The following NDP variants were observed in gnomAD, a reference collection of about 807,000 sequenced individuals.
The protein encoded by NDP is norrin cystine knot growth factor NDP.
In NDP, 2 loss-of-function variants were observed where a neutral mutation model predicts 8.4. The observed-to-expected ratio is 0.24, with a 90% CI of 0.10 to 0.75. The LOEUF is 0.75. Among genes scored for constraint, NDP ranks in the 30% least tolerant of loss-of-function variants. The pLI is 0.73. For synonymous variants in NDP, 55 were observed against 45.6 expected (o/e 1.21, Z -0.83); for missense variants, 81 against 110.1 (o/e 0.74, Z 1.18).
At position 43,955,524 on chromosome X, in the gene NDP, G is replaced by C. The variant is rs1222572051; in HGVS notation, c.174+2948C>G. ...CTCAGTTCTCATAGAGATTCCACCA[G>C]GCAGTCTGTTTCCACTATCAACTGG... On this transcript the variant is annotated intron_variant, in intron 2 of 2. Transcript: ENST00000642620. 4.4e-5 allele frequency among the ~76,000 whole-genome samples: 5 copies of C among 112,610 alleles called. No homozygotes were observed. The South Asian group carries it at 1.8e-3, about 41-fold the overall frequency.
intron 2 of NDP, among the ~76,000 whole-genome samples, chrX:43,953,662 A>G (rs979310872): frequency 4.4e-5 from 5 of 113,354 alleles, no homozygotes; most frequent in African/African-American, 6.4e-5. Flanking sequence ...TATGATCTAC[A>G]CTATTAGGAC....
chrX:43,960,146 A>G (rs1307818493), intron 1 of NDP, among the ~76,000 whole-genome samples: 2 of 111,685 alleles, frequency 1.8e-5, no homozygotes, highest in Non-Finnish European at 3.8e-5. Flanking sequence ...GCAAAGCCTC[A>G]GCACATGTGC....
intron 1 of NDP, among the ~76,000 whole-genome samples, chrX:43,962,270 T>C (rs1331410651): frequency 1.1e-5 from 1 of 91,830 alleles, no homozygotes; most frequent in East Asian, 3.2e-4. Flanking sequence ...TAACCTGGGA[T>C]TTTTTTTTTT....
chrX:43,964,885 G>A (rs2035848458), intron 1 of NDP, among the ~76,000 whole-genome samples: 1 of 111,535 alleles, frequency 9.0e-6, no homozygotes, highest in Non-Finnish European at 1.9e-5. Context: ...CCCTGCCTTG[G>A]GGCTACATAT....
At chrX:43,954,977 G>C (rs746690648) in intron 2 of NDP, among the ~76,000 whole-genome samples, 1 of 110,938 alleles carries the variant, frequency 9.0e-6, no homozygotes, top group African/African-American at 3.3e-5. Context: ...CCTGGCCCAA[G>C]TCCAAAACTC....
intron 2 of NDP, among the ~76,000 whole-genome samples, chrX:43,957,502 T>C (rs917092488): frequency 1.8e-5 from 2 of 110,926 alleles, no homozygotes; most frequent in African/African-American, 6.6e-5. Flanking sequence ...CACTGAGCTA[T>C]AATCAGAGAA....
chrX:43,950,026 T>G lies in NDP; in HGVS notation c.175A>C (p.Met59Leu), dbSNP rs139134641. 5 of 1,192,569 alleles carry G rather than the reference T, an allele frequency of 4.2e-6. No homozygotes were observed. The highest frequency in any genetic ancestry group is 5.6e-6 in the Non-Finnish European group (5 of 885,271). ...SHPLYKCSSK[M>L]VLLARCEGHC... The stretch of plus-strand genomic sequence containing the variant: ...CCCTCGCACCTGGCCAGGAGCACCA[T>G]CTGGGGAAAGAAAAGGAGGTGGTTA... Residue 59 changes from methionine (M) to leucine (L), a missense_variant and splice_region_variant, in exon 3 of 3, where the codon ATG becomes CTG. Physicochemically the swap from Met to Leu is conservative, Grantham distance 15 (BLOSUM62 2). Transcript: ENST00000642620.
intron 1 of NDP, among the ~76,000 whole-genome samples, chrX:43,968,351 A>G (rs2035870423): frequency 8.9e-6 from 1 of 112,505 alleles, no homozygotes; most frequent in Non-Finnish European, 1.9e-5. Flanking sequence ...TGCAGATGCA[A>G]GGGAAGCTGG....
chrX:43,966,861 T>C (rs1399049369), intron 1 of NDP, among the ~76,000 whole-genome samples: 1 of 111,652 alleles, frequency 9.0e-6, no homozygotes, highest in Non-Finnish European at 1.9e-5. Context: ...TGGGTAGTGA[T>C]CTCACCTAAC....
At chrX:43,967,865 T>C (rs750833330) in intron 1 of NDP, among the ~76,000 whole-genome samples, 85 of 111,068 alleles carry the variant, frequency 7.7e-4, no homozygotes, top group Non-Finnish European at 1.3e-3. Context: ...GGTTGGATCA[T>C]GGCTTAAAAG....
chrX:43,963,460 T>A (rs969171332), intron 1 of NDP, among the ~76,000 whole-genome samples: 2 of 111,802 alleles, frequency 1.8e-5, no homozygotes, highest in South Asian at 3.7e-4. Flanking sequence ...TGGAATGGAG[T>A]CAGTATATCA....
At chrX:43,952,628 C>T (rs980937911) in intron 2 of NDP, among the ~76,000 whole-genome samples, 13 of 111,602 alleles carry the variant, frequency 1.2e-4, no homozygotes, top group African/African-American at 4.2e-4. Flanking sequence ...ATTGCAATCT[C>T]ACTAAAAGTT....
intron 2 of NDP, among the ~76,000 whole-genome samples, chrX:43,950,779 A>G (rs1401254456): frequency 8.9e-6 from 1 of 112,183 alleles, no homozygotes; most frequent in African/African-American, 3.2e-5. Context: ...AACGGAGGCT[A>G]TGTGTTCTTT....
intron 2 of NDP, among the ~76,000 whole-genome samples, chrX:43,958,114 C>A (rs933180648): frequency 1.8e-5 from 2 of 111,177 alleles, no homozygotes; most frequent in Admixed American, 1.9e-4. Context: ...ACTGCTCAAT[C>A]GCATTCTTTG....
Position 43,949,465 on chromosome X carries a change from C to T in NDP, c.*334G>A. On this transcript the variant is annotated 3_prime_UTR_variant, in exon 3 of 3. Coordinates refer to ENST00000642620, the MANE Select transcript of NDP (RefSeq NM_000266.4). ...CCCAGCGTGCACCAAACACTGACAG[C>T]CTGACACGCTTGTGTATGAGGGCCC... 1 of 279,679 alleles carries T rather than the reference C, an allele frequency of 3.6e-6. No homozygotes were observed. The highest frequency in any genetic ancestry group is 7.0e-5 in the East Asian group (1 of 14,186). 23.0% of individuals were successfully genotyped at this position (279,679 alleles called of 1,213,427 possible). A position where few individuals can be genotyped will look rare whatever the true frequency, so the allele number is the denominator to read the frequency against.
At position 43,949,768 on chromosome X, in the gene NDP, C is replaced by T; in HGVS notation, c.*31G>A. ...CTGGTCGAACTGCCTCTACAGTTGT[C>T]CCATCCAGAAGCCACACACAGCAGC... is the stretch of plus-strand genomic sequence containing the variant. On this transcript the variant is annotated 3_prime_UTR_variant, in exon 3 of 3. Transcript: ENST00000642620. 1 of 1,147,079 alleles carries T rather than the reference C, an allele frequency of 8.7e-7. No homozygotes were observed. Among genetic ancestry groups the T allele is most frequent in the Non-Finnish European group, 1.2e-6 (1 of 853,917 alleles). The allele number at this position is 1,147,079 out of a possible 1,213,427, so 94.5% of individuals were successfully genotyped here.
intron 1 of NDP, among the ~76,000 whole-genome samples, chrX:43,960,589 G>A (rs1460590393): frequency 3.6e-5 from 4 of 111,939 alleles, no homozygotes; most frequent in Non-Finnish European, 7.5e-5. Flanking sequence ...TCCTATACAC[G>A]TTACCCTGAA....
At position 43,967,164 on chromosome X, in the gene NDP, G is replaced by A. The variant is rs1318299819; in HGVS notation, c.-208+6140C>T. 1.3e-4 allele frequency among the ~76,000 whole-genome samples: 15 copies of A among 111,229 alleles called. No individual in the cohort carries two copies. In the Admixed American group the frequency reaches 1.4e-3, roughly 11 times the overall value. On this transcript the variant is annotated intron_variant, in intron 1 of 2. Coordinates refer to ENST00000642620, the MANE Select transcript of NDP (RefSeq NM_000266.4). ...CCATGCATGCTGCAGCTATGTCTAT[G>A]TCTTTTGACTGCCAGCTTCCCTGTA...
rs104894867 is a variant in NDP at position 43,949,932 on chromosome X, C to A, written c.269G>T (p.Arg90Leu). The A allele has an allele frequency of 1.7e-6, 2 of 1,207,019 alleles. No individual in the cohort carries two copies. The highest frequency in any genetic ancestry group is 1.8e-5 in the South Asian group (1 of 55,888). Reference protein sequence around the residue: ...SFSTVLKQPFRSSCHCCRPQT... With the variant: ...SFSTVLKQPFLSSCHCCRPQT... Reference sequence around the variant, plus strand: ...GGGCCGGCAGCAGTGACAGGAGGAACGGAAGGGTTGCTTGAGGACAGTGCT... The same window carrying A: ...GGGCCGGCAGCAGTGACAGGAGGAAAGGAAGGGTTGCTTGAGGACAGTGCT... The change falls in exon 3 of 3, where the codon CGT becomes CTT. Residue 90 changes from arginine (R) to leucine (L), a missense_variant. Coordinates refer to ENST00000642620, the MANE Select transcript of NDP (RefSeq NM_000266.4).
Sources: allele counts gnomAD v4.1 joint callset (sites outside exome capture counted in the v4.1 genomes callset), GRCh38; gene constraint gnomAD v4.1.1; transcripts MANE v1.5; gene names NCBI Gene and HGNC (gene_info 2026-07-23, HGNC 2026-07-21).